Variants in LDLRAD1 observed in about 807,000 individuals in gnomAD.
LDLRAD1 encodes the protein low density lipoprotein receptor class A domain containing 1.
LDLRAD1 carries 17 observed loss-of-function variants against 24.8 expected under a neutral mutation model. That is an observed-to-expected ratio of 0.69 (90% CI 0.47 to 1.03). The LOEUF is 1.03. Among genes scored for constraint, LDLRAD1 ranks in the 50% least tolerant of loss-of-function variants. LDLRAD1 has a pLI of 0.00. For synonymous variants in LDLRAD1, 103 were observed against 108.2 expected, an observed-to-expected ratio of 0.95 and a Z score of 0.30; for missense variants, 277 against 271.0, an observed-to-expected ratio of 1.02 and a Z score of -0.16.
rs185279252 is a variant in LDLRAD1 at position 54,011,936 on chromosome 1, G to A, written c.340+207C>T. Among the ~76,000 whole-genome samples, 649 of 152,298 alleles carry A rather than the reference G, an allele frequency of 4.3e-3. 4 individuals carry two copies. The highest frequency in any genetic ancestry group is 0.015 in the African/African-American group (622 of 41,566). ...GATGAATACGGGTTCTCTGGGAGTG[G>A]AGACGCACAGGGTGAAGGCATTCCT... On this transcript the variant is annotated intron_variant, in intron 4 of 5. Transcript: ENST00000371360.
rs138056957 is a variant in LDLRAD1, at chr1:54,018,097, G to C, written c.16C>G (p.Pro6Ala). 1.2e-4 allele frequency: 188 copies of C among 1,613,140 alleles called. No homozygotes were observed. The highest frequency in any genetic ancestry group is 1.9e-5 in the Non-Finnish European group (22 of 1,179,322). Reference protein sequence around the residue: MNKVFPQGENGYTAAE... With the variant: MNKVFAQGENGYTAAE... ...CACCTGGGGACAGCTCTCACCTGGG[G>C]GAAGACCTTGTTCATGTCTTCGGTT... Residue 6 changes from proline (P) to alanine (A), a missense_variant, in exon 1 of 6, where the codon CCC becomes GCC. Pro to Ala is a conservative substitution (Grantham distance 27). Coordinates refer to ENST00000371360, the MANE Select transcript of LDLRAD1 (RefSeq NM_001010978.4).
At chr1:54,015,154 G>A (rs1656249098) in intron 2 of LDLRAD1, among the ~76,000 whole-genome samples, 1 of 152,088 alleles carries the variant, frequency 6.6e-6, no homozygotes, top group South Asian at 2.1e-4. Flanking sequence ...TGCCCAGGCT[G>A]CAGTGCAATG....
chr1:54,010,450 G>A, intron 4 of LDLRAD1, 40 bp from the exon 5 acceptor site: 1 of 1,610,172 alleles, frequency 6.2e-7, no homozygotes, highest in Non-Finnish European at 8.5e-7. Context: ...GTCCACATCT[G>A]GCCACAGCTG....
chr1:54,008,546 T>A lies in LDLRAD1; in HGVS notation c.*436A>T, dbSNP rs1655906707. 1 of 156,508 alleles carries A rather than the reference T, an allele frequency of 6.4e-6. No individual in the cohort carries two copies. The highest frequency in any genetic ancestry group is 1.4e-5 in the Non-Finnish European group (1 of 71,162). The allele number at this position is 156,508 out of a possible 1,614,324, so 9.7% of individuals were successfully genotyped here. A position where few individuals can be genotyped will look rare whatever the true frequency, so the allele number is the denominator to read the frequency against. ...TTCCCTTCGTCTTTGTTTGTGTTTG[T>A]GTTTTGTTTCATTTTTTTTTTGAGA... On this transcript the variant is annotated 3_prime_UTR_variant, in exon 6 of 6. Transcript: ENST00000371360.
At chr1:54,015,659 T>G (rs920334757) in intron 2 of LDLRAD1, among the ~76,000 whole-genome samples, 8 of 134,156 alleles carry the variant, frequency 6.0e-5, no homozygotes, top group Admixed American at 3.4e-4. Context: ...TTTTTGTTTT[T>G]TTTGTTTTTT....
At chr1:54,010,923 G>T (rs1268856413) in intron 4 of LDLRAD1, among the ~76,000 whole-genome samples, 1 of 152,160 alleles carries the variant, frequency 6.6e-6, no homozygotes, top group African/African-American at 2.4e-5. Flanking sequence ...GTGTGATAGG[G>T]CTATCAAAAA....
At position 54,010,298 on chromosome 1, in the gene LDLRAD1, T is replaced by C. The variant is rs1488301475; in HGVS notation, c.453A>G (p.Ser151=). ...GACCCCTACCTGGGCTCAGTTCATC[T>C]GAACAGTCCCCGCAGTTGTTAGTGC... The part of the protein sequence containing the change: ...CDGTNNCGDC[S]DELSPVTVCP... The change falls in exon 5 of 6, where the codon TCA becomes TCG. Residue 151 remains serine (S), a synonymous_variant. Transcript: ENST00000371360. 1.2e-6 allele frequency: 2 copies of C among 1,613,980 alleles called. No individual in the cohort carries two copies. The highest frequency in any genetic ancestry group is 2.7e-5 in the African/African-American group (2 of 74,926).
At chr1:54,014,081 GT>G (rs1331792219) in intron 3 of LDLRAD1, among the ~76,000 whole-genome samples, 154 bp downstream of exon 3, 1 of 152,102 alleles carries the variant, frequency 6.6e-6, no homozygotes, top group African/African-American at 2.4e-5. Context: ...GTCAGTGTGT[GT>G]GCAGGTGTCT....
chr1:54,010,846 AG>A (rs1656021579), intron 4 of LDLRAD1, among the ~76,000 whole-genome samples: 1 of 152,222 alleles, frequency 6.6e-6, no homozygotes, highest in Admixed American at 6.5e-5. Flanking sequence ...GGGAAGATCT[AG>A]GGTTCACACA....
intron 4 of LDLRAD1, 82 bp from the exon 5 acceptor site, chr1:54,010,492 C>G (rs1646331213): frequency 2.0e-6 from 3 of 1,468,448 alleles, no homozygotes; most frequent in South Asian, 1.2e-5. Context: ...GATTGACCAC[C>G]CTGGCAGTGG....
In LDLRAD1 at chr1:54,012,188, C is replaced by T. The variant is rs779074588; in HGVS notation, c.295G>A (p.Val99Ile). 5.6e-6 allele frequency: 9 copies of T among 1,614,118 alleles called. No homozygotes were observed. The highest frequency in any genetic ancestry group is 4.5e-5 in the East Asian group (2 of 44,882). Residue 99 changes from valine to isoleucine, a missense_variant, in exon 4 of 6, where the codon GTT (valine) becomes ATT (isoleucine). By Grantham distance (29) the Val-to-Ile change is conservative. Coordinates refer to ENST00000371360, the MANE Select transcript of LDLRAD1 (RefSeq NM_001010978.4). ...TCCTCGCCGTGGGTACAGGTGCGAA[C>T]GCCATCACAGACCCCACTGGCTGGA... ...CIPASGVCDG[V>I]RTCTHGEDED...
chr1:54,010,009 T>C (rs181461765), intron 5 of LDLRAD1, among the ~76,000 whole-genome samples: 1 of 152,322 alleles, frequency 6.6e-6, no homozygotes, highest in East Asian at 1.9e-4. Context: ...GCCATGTATG[T>C]ACTCCTTGCA....
In LDLRAD1 at chr1:54,008,899, C is replaced by T; in HGVS notation, c.*83G>A. The T allele has an allele frequency of 8.6e-7, 1 of 1,156,492 alleles. No homozygotes were observed. The highest frequency in any genetic ancestry group is 1.1e-6 in the Non-Finnish European group (1 of 875,560). 71.6% of individuals were successfully genotyped at this position (1,156,492 alleles called of 1,614,324 possible). ...CCCATTTCAAAGGCTGCTTCCTGCCCTTGTGCGCTAGGATTTGATTTTCAT... is the reference window on the plus strand; with the variant it reads ...CCCATTTCAAAGGCTGCTTCCTGCCTTTGTGCGCTAGGATTTGATTTTCAT... On this transcript the variant is annotated 3_prime_UTR_variant, in exon 6 of 6. Transcript: ENST00000371360.
intron 5 of LDLRAD1, 43 bp downstream of exon 5, chr1:54,010,239 G>C (rs1655988246): frequency 6.2e-7 from 1 of 1,609,722 alleles, no homozygotes; most frequent in East Asian, 2.2e-5. Flanking sequence ...TCTGGCTGCT[G>C]CCTGGACACC....
intron 2 of LDLRAD1, among the ~76,000 whole-genome samples, chr1:54,015,874 T>C (rs2100264616): frequency 6.6e-6 from 1 of 152,122 alleles, no homozygotes; most frequent in African/African-American, 2.4e-5. Context: ...AGGCTGGTCT[T>C]GAACTCCTGA....
chr1:54,012,443 G>A (rs1236196013), intron 3 of LDLRAD1, among the ~76,000 whole-genome samples, 163 bp from the exon 4 acceptor site: 2 of 152,182 alleles, frequency 1.3e-5, no homozygotes, highest in African/African-American at 4.8e-5. Context: ...ACCCGCTGCC[G>A]GCTGCCTGAT....
At chr1:54,009,320 C>G (rs889929436) in intron 5 of LDLRAD1, among the ~76,000 whole-genome samples, 190 bp from the exon 6 acceptor site, 1 of 152,146 alleles carries the variant, frequency 6.6e-6, no homozygotes, top group Non-Finnish European at 1.5e-5. Context: ...GCTATGTGAC[C>G]TCCCTCACCC....
chr1:54,009,337 A>C (rs1332879357), intron 5 of LDLRAD1, among the ~76,000 whole-genome samples: 3 of 152,080 alleles, frequency 2.0e-5, no homozygotes. Flanking sequence ...ACCCTGTCTG[A>C]AACTGTTTCC....
chr1:54,017,347 C>T, intron 2 of LDLRAD1, 29 bp downstream of exon 2: 1 of 1,576,250 alleles, frequency 6.3e-7, no homozygotes, highest in Admixed American at 1.8e-5. Flanking sequence ...CCCCACAGGG[C>T]ACTGGCCCCA....
Sources: gnomAD v4.1 joint callset for allele counts (sites outside exome capture counted in the v4.1 genomes callset) on GRCh38, gnomAD v4.1.1 for gene constraint, MANE v1.5 for transcripts, NCBI Gene and HGNC (gene_info 2026-07-23, HGNC 2026-07-21) for gene names.